N4BP1: variants seen among roughly 807,000 people sequenced by gnomAD.
N4BP1 encodes NEDD4 binding protein 1, also known as NEDD4-binding protein 1.
N4BP1 carries 21 observed loss-of-function variants against 70.9 expected under a neutral mutation model. The ratio of observed to expected loss-of-function variants is 0.30; its 90% confidence interval spans 0.21 to 0.43. The LOEUF is 0.43. N4BP1 is among the 20% of genes least tolerant of loss of function. N4BP1 has a pLI of 1.00. For missense variants in N4BP1, 936 were observed against 1,069.4 expected, an observed-to-expected ratio of 0.88 and a Z score of 1.74; for synonymous variants, 387 against 394.6, an observed-to-expected ratio of 0.98 and a Z score of 0.23.
At chr16:48,606,841 T>C (rs994587395) in intron 1 of N4BP1, among the ~76,000 whole-genome samples, 2 of 152,208 alleles carry the variant, frequency 1.3e-5, no homozygotes, top group African/African-American at 4.8e-5. Flanking sequence ...GACACTATAG[T>C]TGAAAAACTC....
rs756188975 is a variant in N4BP1 at position 48,546,211 on chromosome 16, C to T, written c.2269G>A (p.Asp757Asn). The T allele has an allele frequency of 4.3e-6, 7 of 1,612,622 alleles. No homozygotes were observed. In the South Asian group the frequency reaches 4.4e-5, roughly 10 times the overall value. ...TFVGDIFMVP[D>N]DPLGRSGPRL... ...GGTCCACTTCTTCCCAGAGGATCAT[C>T]GGGAACCATAAATATGTCCCCCACG... Residue 757 changes from aspartate to asparagine, a missense_variant, in exon 6 of 7, where the codon GAT (aspartate) becomes AAT (asparagine). Asp to Asn is a conservative substitution (Grantham distance 23). Transcript: ENST00000262384.
At chr16:48,555,702 T>G (rs1963741751) in intron 2 of N4BP1, among the ~76,000 whole-genome samples, 1 of 152,042 alleles carries the variant, frequency 6.6e-6, no homozygotes, top group Admixed American at 6.5e-5. Flanking sequence ...CCAAAAACAA[T>G]AAATCATCCA....
At chr16:48,549,037 CTCTTAATAAGAAA>C (rs1397958887) in intron 4 of N4BP1, among the ~76,000 whole-genome samples, 1 of 152,002 alleles carries the variant, frequency 6.6e-6, no homozygotes, top group Non-Finnish European at 1.5e-5. Context: ...TGCTTAGACC[CTCTTAATAAGAAA>C]TCTGTGAGGA....
intron 1 of N4BP1, among the ~76,000 whole-genome samples, chr16:48,602,681 T>C (rs888076484): frequency 3.9e-5 from 6 of 152,038 alleles, no homozygotes; most frequent in African/African-American, 9.7e-5. Flanking sequence ...AAAAACTCCA[T>C]GTCACTACCC....
At chr16:48,597,869 T>C (rs1199180273) in intron 1 of N4BP1, among the ~76,000 whole-genome samples, 2 of 152,202 alleles carry the variant, frequency 1.3e-5, no homozygotes, top group Non-Finnish European at 2.9e-5. Flanking sequence ...GCTGCATGCA[T>C]AAGCTTCTGT....
At chr16:48,589,624 T>C (rs901898559) in intron 1 of N4BP1, among the ~76,000 whole-genome samples, 1 of 152,150 alleles carries the variant, frequency 6.6e-6, no homozygotes, top group Non-Finnish European at 1.5e-5. Flanking sequence ...GCTTAGCTAA[T>C]TAACAAAACC....
chr16:48,551,978 G>A lies in N4BP1; in HGVS notation c.2021-496C>T, dbSNP rs114752136. 7.2e-3 allele frequency among the ~76,000 whole-genome samples: 1,102 copies of A among 152,198 alleles called. 13 individuals are homozygous for A. Among genetic ancestry groups the A allele is most frequent in the African/African-American group, 0.025 (1,051 of 41,518 alleles). ...GGTTGCAGAGAGCTGAGACGGCACT[G>A]CTGCACTCCAGCCTGGGTATTTAAT... On this transcript the variant is annotated intron_variant, in intron 3 of 6. Transcript: ENST00000262384.
At chr16:48,572,223 G>A (rs924601043) in intron 1 of N4BP1, among the ~76,000 whole-genome samples, 1 of 151,952 alleles carries the variant, frequency 6.6e-6, no homozygotes, top group Non-Finnish European at 1.5e-5. Flanking sequence ...AAATACATAA[G>A]AACTCAAGCA....
At chr16:48,543,376 T>TAG in intron 6 of N4BP1, 115 bp from the exon 7 acceptor site, 1 of 848,264 alleles carries the variant, frequency 1.2e-6, no homozygotes, top group South Asian at 2.3e-5. Context: ...CTCCCTGGCT[T>TAG]CCAAAGGCAG....
intron 1 of N4BP1, among the ~76,000 whole-genome samples, chr16:48,603,444 CT>C (rs1189424808): frequency 6.6e-6 from 1 of 152,056 alleles, no homozygotes; most frequent in Non-Finnish European, 1.5e-5. Context: ...AACTCCACAC[CT>C]TAAAGGTTCA....
intron 4 of N4BP1, among the ~76,000 whole-genome samples, chr16:48,548,446 G>A (rs1963619404): frequency 1.3e-5 from 2 of 152,204 alleles, no homozygotes; most frequent in Admixed American, 6.5e-5. Flanking sequence ...GAGCTGACAA[G>A]CCTGTGAAAT....
intron 1 of N4BP1, among the ~76,000 whole-genome samples, chr16:48,577,276 T>C (rs150259832): frequency 1.3e-5 from 2 of 152,260 alleles, no homozygotes; most frequent in African/African-American, 4.8e-5. Flanking sequence ...TCCACTCTTC[T>C]GAGATACTTC....
At position 48,542,861 on chromosome 16, in the gene N4BP1, G is replaced by T; in HGVS notation, c.*43C>A. ...CAGGTACAGGTGTGAGCTTGAGTTT[G>T]ATCAGCCAGCCCTGAGCGCAAGCTC... On this transcript the variant is annotated 3_prime_UTR_variant, in exon 7 of 7. Transcript: ENST00000262384. The T allele has an allele frequency of 6.6e-7, 1 of 1,515,574 alleles. No homozygotes were observed. Among genetic ancestry groups the T allele is most frequent in the South Asian group, 1.2e-5 (1 of 80,458 alleles). 93.9% of individuals were successfully genotyped at this position (1,515,574 alleles called of 1,614,324 possible).
chr16:48,585,202 G>A (rs1042919893), intron 1 of N4BP1, among the ~76,000 whole-genome samples: 1 of 152,086 alleles, frequency 6.6e-6, no homozygotes, highest in South Asian at 2.1e-4. Flanking sequence ...CAAAGTGCTA[G>A]GATTACAGGC....
At chr16:48,601,650 C>T (rs1414697455) in intron 1 of N4BP1, among the ~76,000 whole-genome samples, 1 of 152,096 alleles carries the variant, frequency 6.6e-6, no homozygotes, top group East Asian at 1.9e-4. Flanking sequence ...ATTCTATCAG[C>T]ACTAAGACTG....
At chr16:48,593,859 G>A (rs936803833) in intron 1 of N4BP1, among the ~76,000 whole-genome samples, 4 of 151,836 alleles carry the variant, frequency 2.6e-5, no homozygotes, top group African/African-American at 4.8e-5. Context: ...AAAATTAGCC[G>A]GGTGTGTTGG....
At chr16:48,577,782 C>T (rs182169810) in intron 1 of N4BP1, 23 of 160,376 alleles carry the variant, frequency 1.4e-4, no homozygotes, top group South Asian at 6.4e-4. Flanking sequence ...TCTTGGGTAC[C>T]GGGGCCGAGA....
chr16:48,560,708 T>A (rs1963840941), intron 2 of N4BP1, 46 bp downstream of exon 2: 1 of 1,549,154 alleles, frequency 6.5e-7, no homozygotes, highest in African/African-American at 1.4e-5. Context: ...GAGACACCAT[T>A]TAGAGCCCTA....
At chr16:48,575,953 A>G (rs1964086500) in intron 1 of N4BP1, among the ~76,000 whole-genome samples, 2 of 152,332 alleles carry the variant, frequency 1.3e-5, no homozygotes, top group South Asian at 4.1e-4. Flanking sequence ...CTACACATGC[A>G]AGGAAACTCA....
Sources: gnomAD v4.1 joint callset for allele counts (sites outside exome capture counted in the v4.1 genomes callset) on GRCh38, gnomAD v4.1.1 for gene constraint, MANE v1.5 for transcripts, NCBI Gene and HGNC (gene_info 2026-07-23, HGNC 2026-07-21) for gene names.